SEPTIN11: variants seen among roughly 807,000 people sequenced by gnomAD.
SEPTIN11 encodes the protein septin-11.
Under a neutral mutation model 51.4 loss-of-function variants are expected in SEPTIN11, and 25 were observed. The observed-to-expected ratio is 0.49, with a 90% confidence interval of 0.35 to 0.68. The LOEUF (loss-of-function observed/expected upper bound fraction) is 0.68, where lower values mean the gene tolerates loss of function less well. SEPTIN11 is among the 30% of genes least tolerant of loss of function. The pLI, the probability that SEPTIN11 is intolerant of heterozygous loss-of-function variation, is 0.00. For missense variants in SEPTIN11, 381 were observed against 520.8 expected (o/e 0.73, Z 2.61); for synonymous variants, 174 against 184.1 (o/e 0.95, Z 0.44).
Position 77,005,752 on chromosome 4 carries a change from T to A in SEPTIN11, c.294T>A (p.Ile98=). 1 of 1,613,954 alleles carries A rather than the reference T, an allele frequency of 6.2e-7. No homozygotes were observed. Among genetic ancestry groups the A allele is most frequent in the Non-Finnish European group, 8.5e-7 (1 of 1,179,902 alleles). Residue 98 remains isoleucine, a synonymous_variant, in exon 3 of 10, where the codon ATT becomes ATA. Transcript: ENST00000264893. ...GCAATGTACGGCTGAAGTTAACCAT[T>A]GTTGACACCGTGGGATTTGGAGACC... is the stretch of plus-strand genomic sequence containing the variant. ...QESNVRLKLT[I]VDTVGFGDQI...
intron 1 of SEPTIN11, among the ~76,000 whole-genome samples, chr4:76,963,777 C>T: frequency 6.6e-6 from 1 of 152,146 alleles, no homozygotes; most frequent in East Asian, 1.9e-4. Context: ...TGATCTTTCT[C>T]TTTTTTCCAA....
At chr4:76,992,366 G>A (rs183509114) in intron 1 of SEPTIN11, among the ~76,000 whole-genome samples, 1 of 152,094 alleles carries the variant, frequency 6.6e-6, no homozygotes, top group Admixed American at 6.5e-5. Flanking sequence ...TGCTGTCTGG[G>A]GCTACCTGGG....
rs1725991699 is a variant in SEPTIN11 at position 77,024,829 on chromosome 4, A to G, written c.954-3800A>G. ...ACCTGGTCAAATTACCTGTGTGTCC[A>G]AGTTTCCCCATCTATAAAGTGGGAG... On this transcript the variant is annotated intron_variant, in intron 7 of 9. Coordinates refer to ENST00000264893, the MANE Select transcript of SEPTIN11 (RefSeq NM_018243.4). The surrounding 1 kb of genome is among the most constrained non-coding windows in gnomAD (Gnocchi z 4.2). Among the ~76,000 whole-genome samples, 1 of 152,120 alleles carries G rather than the reference A, an allele frequency of 6.6e-6. No individual in the cohort carries two copies. The highest frequency in any genetic ancestry group is 2.4e-5 in the African/African-American group (1 of 41,430).
chr4:77,002,286 A>T (rs979207006), intron 2 of SEPTIN11, among the ~76,000 whole-genome samples: 4 of 152,206 alleles, frequency 2.6e-5, no homozygotes, highest in African/African-American at 9.7e-5. Context: ...TTTAAAAAGT[A>T]TGGTGTTCCT....
Position 77,037,318 on chromosome 4 carries a change from C to G in SEPTIN11, c.*2806C>G. ...TGGAGGTTGCAGTGAGCCAAGATTG[C>G]ACCACTGCATTCCAACCTGGGTGAT... On this transcript the variant is annotated 3_prime_UTR_variant, in exon 10 of 10. Transcript: ENST00000264893. The G allele has an allele frequency of 1.1e-6, 1 of 912,548 alleles. No homozygotes were observed. Among genetic ancestry groups the G allele is most frequent in the Non-Finnish European group, 1.3e-6 (1 of 763,672 alleles). The allele number at this position is 912,548 out of a possible 1,614,324, so 56.5% of individuals were successfully genotyped here.
chr4:77,026,687 C>A (rs1247662857), intron 7 of SEPTIN11, among the ~76,000 whole-genome samples: 2 of 152,116 alleles, frequency 1.3e-5, no homozygotes, highest in African/African-American at 4.8e-5. Context: ...TCAAAGTTTC[C>A]ATTGTTTGTT....
chr4:76,965,547 A>G (rs1290577965), intron 1 of SEPTIN11, among the ~76,000 whole-genome samples: 1 of 151,028 alleles, frequency 6.6e-6, no homozygotes, highest in Non-Finnish European at 1.5e-5. Context: ...ATTATTGCCT[A>G]TATAATACAT....
At position 77,034,746 on chromosome 4, in the gene SEPTIN11, A is replaced by G; in HGVS notation, c.*234A>G. On this transcript the variant is annotated 3_prime_UTR_variant, in exon 10 of 10. Transcript: ENST00000264893. ...GCTGGACTCTGTTTCCGGAAAGTAA[A>G]TGATTTGCTTTTTATGCCTGTTCTG... 1 of 1,228,166 alleles carries G rather than the reference A, an allele frequency of 8.1e-7. No individual in the cohort carries two copies. Among genetic ancestry groups the G allele is most frequent in the Non-Finnish European group, 1.0e-6 (1 of 980,710 alleles). The allele number at this position is 1,228,166 out of a possible 1,614,324, so 76.1% of individuals were successfully genotyped here.
At chr4:76,966,969 G>A (rs940241000) in intron 1 of SEPTIN11, among the ~76,000 whole-genome samples, 1 of 152,086 alleles carries the variant, frequency 6.6e-6, no homozygotes, top group Admixed American at 6.5e-5. Context: ...GGCCGAGGTG[G>A]GCAGATCACT....
chr4:76,994,900 CTT>C (rs55728971), intron 1 of SEPTIN11, among the ~76,000 whole-genome samples: 188 of 54,862 alleles, frequency 3.4e-3, no homozygotes, highest in East Asian at 0.03. Context: ...CTGTACAAAG[CTT>C]TTTTTTTTTT....
intron 1 of SEPTIN11, among the ~76,000 whole-genome samples, chr4:76,971,500 A>C (rs1472599830): frequency 2.0e-5 from 3 of 152,032 alleles, no homozygotes; most frequent in South Asian, 2.1e-4. Context: ...TAAGAATAGC[A>C]CATGGACTTC....
intron 1 of SEPTIN11, among the ~76,000 whole-genome samples, chr4:76,990,998 G>A (rs1193625890): frequency 6.6e-6 from 1 of 152,140 alleles, no homozygotes; most frequent in Non-Finnish European, 1.5e-5. Context: ...CATCATTCTC[G>A]TTTTTTATTT....
intron 6 of SEPTIN11, among the ~76,000 whole-genome samples, chr4:77,020,298 G>A (rs553571240): frequency 2.6e-5 from 4 of 152,298 alleles, no homozygotes; most frequent in East Asian, 1.9e-4. Context: ...AGCAGTCAGC[G>A]TTGTCATCAG....
intron 1 of SEPTIN11, among the ~76,000 whole-genome samples, chr4:76,964,782 A>T (rs539753401): frequency 2.6e-5 from 4 of 152,218 alleles, no homozygotes; most frequent in Non-Finnish European, 5.9e-5. Flanking sequence ...ACACTTAAAC[A>T]TTATTTCTGT....
At chr4:76,965,149 T>C (rs1367100901) in intron 1 of SEPTIN11, among the ~76,000 whole-genome samples, 1 of 152,116 alleles carries the variant, frequency 6.6e-6, no homozygotes, top group Non-Finnish European at 1.5e-5. Context: ...TCATTAATAG[T>C]ATAAAAGAGT....
rs1031013470 is a variant in SEPTIN11, at chr4:77,030,132, C to T, written c.1087-651C>T. On this transcript the variant is annotated intron_variant, in intron 8 of 9. Coordinates refer to ENST00000264893, the MANE Select transcript of SEPTIN11 (RefSeq NM_018243.4). ...TTAGCTGGGTGTGGTGGCGCATGCC[C>T]ATAATCCCAGCTACTCGAGAGGCTG... Among the ~76,000 whole-genome samples the T allele has an allele frequency of 3.1e-4, 47 of 152,104 alleles. 1 individual carries two copies. The highest frequency in any genetic ancestry group is 6.8e-3 in the Middle Eastern group (2 of 294).
In SEPTIN11 at chr4:76,970,460, A is replaced by G. The variant is rs80143477; in HGVS notation, c.27+20530A>G. 3.9e-4 allele frequency among the ~76,000 whole-genome samples: 60 copies of G among 152,332 alleles called. 3 individuals carry two copies. The East Asian group carries it at 0.011, about 28-fold the overall frequency. ...TCAGAAAACATTACTGTGGCAAAAC[A>G]TCCTAAAAGGAGATTGCAGAACAAA... On this transcript the variant is annotated intron_variant, in intron 1 of 9. Coordinates refer to ENST00000264893, the MANE Select transcript of SEPTIN11 (RefSeq NM_018243.4).
At position 76,949,803 on chromosome 4, in the gene SEPTIN11, C is replaced by T; in HGVS notation, c.-101C>T. The T allele has an allele frequency of 1.5e-6, 2 of 1,315,772 alleles. No homozygotes were observed. 81.5% of individuals were successfully genotyped at this position (1,315,772 alleles called of 1,614,324 possible). On this transcript the variant is annotated 5_prime_UTR_variant, in exon 1 of 10. An upstream open reading frame in the 5' UTR gains an earlier in-frame stop. Transcript: ENST00000264893. The stretch of plus-strand genomic sequence containing the variant: ...GACGCCGGCGAGCAGAGCGCAGCCG[C>T]GAGGGAGGCGCGAGGGAGGCGAGCC...
intron 1 of SEPTIN11, among the ~76,000 whole-genome samples, chr4:76,988,244 G>A (rs927982137): frequency 6.6e-6 from 1 of 152,188 alleles, no homozygotes; most frequent in African/African-American, 2.4e-5. Flanking sequence ...AGGCTACACA[G>A]CATCCTGTCC....
Sources: allele counts gnomAD v4.1 joint callset (sites outside exome capture counted in the v4.1 genomes callset), GRCh38; gene constraint gnomAD v4.1.1; non-coding constraint Gnocchi (gnomAD v3.1); transcripts MANE v1.5; gene names NCBI Gene and HGNC (gene_info 2026-07-23, HGNC 2026-07-21).